The following NIPAL2 variants were observed in gnomAD, a reference collection of about 807,000 sequenced individuals.
NIPAL2 encodes NIPA-like protein 2.
In NIPAL2, 43 loss-of-function variants were observed where a neutral mutation model predicts 48.9. The ratio of observed to expected loss-of-function variants is 0.88; its 90% CI spans 0.69 to 1.13. NIPAL2 has a LOEUF of 1.13. NIPAL2 is among the 50% of genes most tolerant of loss of function. The probability of loss-of-function intolerance (pLI) is 0.00; values close to 1 mark genes in which losing one functional copy is unlikely to be tolerated. For synonymous variants in NIPAL2, 167 were observed against 174.6 expected, an observed-to-expected ratio of 0.96 and a Z score of 0.34; for missense variants, 446 against 461.4, an observed-to-expected ratio of 0.97 and a Z score of 0.31.
intron 8 of NIPAL2, among the ~76,000 whole-genome samples, chr8:98,199,832 G>A (rs1298035658): frequency 2.6e-5 from 4 of 151,960 alleles, no homozygotes; most frequent in Non-Finnish European, 5.9e-5. Flanking sequence ...AATAAAATGC[G>A]GTATGCCTCA....
rs1405202535 is a variant in NIPAL2 at position 98,247,824 on chromosome 8, G to C, written c.376+4639C>G. ...CCTGAGACAAGAAGGATTAGCAGCA[G>C]TTTGAAATTTTATTACAAACTCCAC... On this transcript the variant is annotated intron_variant, in intron 3 of 10. Transcript: ENST00000430223. Among the ~76,000 whole-genome samples, 3 of 152,174 alleles carry C rather than the reference G, an allele frequency of 2.0e-5. No individual in the cohort carries two copies. In the East Asian group the frequency reaches 5.8e-4, roughly 29 times the overall value.
Position 98,203,200 on chromosome 8 carries a change from G to C in NIPAL2, c.792-4C>G. On this transcript the variant is annotated splice_polypyrimidine_tract_variant and splice_region_variant and intron_variant, in intron 7 of 10. Transcript: ENST00000430223. Reference sequence around the variant, plus strand: ...TTTCGTGGCTTGATTCAGGAACCTAGGGCAGAAGGCACTTACTGGAGCTTT... The same window carrying C: ...TTTCGTGGCTTGATTCAGGAACCTACGGCAGAAGGCACTTACTGGAGCTTT... The C allele has an allele frequency of 6.2e-7, 1 of 1,611,404 alleles. No homozygotes were observed.
At chr8:98,227,024 G>A (rs1013995175) in intron 4 of NIPAL2, among the ~76,000 whole-genome samples, 6 of 152,232 alleles carry the variant, frequency 3.9e-5, no homozygotes, top group Middle Eastern at 3.4e-3. Flanking sequence ...CCAGGCAGAG[G>A]AGTCTTTCCT....
chr8:98,212,479 CAGAA>C lies in NIPAL2; in HGVS notation c.577_580del (p.Phe193AlafsTer12). ...TCTTTTATAGAAATACAGGAGAATG[CAGAA>C]AATTAATATTTCTAAAATCTAGAAA... On this transcript the variant is annotated frameshift_variant, in exon 6 of 11. Transcript: ENST00000430223. LOFTEE classifies it high-confidence loss of function. 1 of 1,497,990 alleles carries C rather than the reference CAGAA, an allele frequency of 6.7e-7. No individual in the cohort carries two copies. The highest frequency in any genetic ancestry group is 9.3e-7 in the Non-Finnish European group (1 of 1,075,680). 92.8% of individuals were successfully genotyped at this position (1,497,990 alleles called of 1,614,324 possible).
At chr8:98,285,752 C>A (rs6983233) in intron 1 of NIPAL2, among the ~76,000 whole-genome samples, 10,960 of 151,654 alleles carry the variant, frequency 0.072, 826 homozygotes, top group African/African-American at 0.19. Context: ...TTGTAACTTG[C>A]AACCTAAAGC....
chr8:98,285,534 C>T (rs970179158), intron 1 of NIPAL2, among the ~76,000 whole-genome samples: 5 of 151,978 alleles, frequency 3.3e-5, no homozygotes, highest in African/African-American at 7.3e-5. Flanking sequence ...CCTAGAGGGG[C>T]GAGCCTGCTA....
chr8:98,259,223 C>A (rs1024770450), intron 1 of NIPAL2, among the ~76,000 whole-genome samples: 2 of 150,380 alleles, frequency 1.3e-5, no homozygotes. Flanking sequence ...ACTACAGGCG[C>A]GCGCCACCAT....
intron 1 of NIPAL2, among the ~76,000 whole-genome samples, chr8:98,260,965 C>G (rs1269310338): frequency 6.6e-6 from 1 of 152,224 alleles, no homozygotes; most frequent in Non-Finnish European, 1.5e-5. Flanking sequence ...AAGTGGGTCC[C>G]TGACCCCTGA....
intron 7 of NIPAL2, 131 bp downstream of exon 7, chr8:98,204,980 A>G (rs1586302044): frequency 2.1e-6 from 2 of 957,626 alleles, no homozygotes; most frequent in East Asian, 4.9e-5. Flanking sequence ...GGCTGAGGAC[A>G]AGCTACAGGC....
intron 1 of NIPAL2, among the ~76,000 whole-genome samples, chr8:98,268,618 CA>C (rs1307806285): frequency 2.2e-5 from 2 of 91,086 alleles, no homozygotes; most frequent in Non-Finnish European, 4.8e-5. Flanking sequence ...AAGACTGTCT[CA>C]AAGAAAAAAA....
At position 98,194,329 on chromosome 8, in the gene NIPAL2, C is replaced by T. The variant is rs144521305; in HGVS notation, c.1039+399G>A. On this transcript the variant is annotated intron_variant, in intron 10 of 10. Coordinates refer to ENST00000430223, the MANE Select transcript of NIPAL2 (RefSeq NM_001321635.2). ...GTCCTGAGCCACAGTGCACAGGCCA[C>T]CTCAGGCTTCCCCCAAGACATGCTC... Among the ~76,000 whole-genome samples the T allele has an allele frequency of 3.4e-3, 517 of 152,260 alleles. 3 individuals are homozygous for T. The highest frequency in any genetic ancestry group is 6.1e-3 in the Non-Finnish European group (417 of 68,010).
rs143456774 is a variant in NIPAL2 at position 98,248,985 on chromosome 8, T to C, written c.376+3478A>G. ...AGACGGGTTATTTAGGCTGAGTCTC[T>C]AGCACAATGTGACTGCCTGTGAGCT... On this transcript the variant is annotated intron_variant, in intron 3 of 10. Coordinates refer to ENST00000430223, the MANE Select transcript of NIPAL2 (RefSeq NM_001321635.2). Among the ~76,000 whole-genome samples the C allele has an allele frequency of 1.3e-3, 200 of 152,312 alleles. 1 individual carries two copies. Among genetic ancestry groups the C allele is most frequent in the Non-Finnish European group, 2.1e-3 (142 of 68,018 alleles).
chr8:98,259,365 G>A (rs922400345), intron 1 of NIPAL2, among the ~76,000 whole-genome samples: 17 of 152,048 alleles, frequency 1.1e-4, no homozygotes, highest in African/African-American at 3.6e-4. Flanking sequence ...GTGAGCCACC[G>A]CACCCGGCCT....
intron 1 of NIPAL2, among the ~76,000 whole-genome samples, chr8:98,277,058 G>C (rs563486496): frequency 6.6e-6 from 1 of 151,862 alleles, no homozygotes; most frequent in East Asian, 1.9e-4. Flanking sequence ...GCGTGAGCCA[G>C]TATACCCAGC....
At position 98,222,471 on chromosome 8, in the gene NIPAL2, A is replaced by T; in HGVS notation, c.558+8T>A. 1 of 1,612,224 alleles carries T rather than the reference A, an allele frequency of 6.2e-7. No homozygotes were observed. ...CTTCGGGGATAGTAAAATATTTAGA[A>T]TTCTTACCACATAGATCAGGAACTG... On this transcript the variant is annotated splice_region_variant and intron_variant, in intron 5 of 10. Transcript: ENST00000430223.
At position 98,217,101 on chromosome 8, in the gene NIPAL2, T is replaced by A. The variant is rs965298105; in HGVS notation, c.559-4600A>T. On this transcript the variant is annotated intron_variant, in intron 5 of 10. Coordinates refer to ENST00000430223, the MANE Select transcript of NIPAL2 (RefSeq NM_001321635.2). ...TTGGCAAGGATGGGGATTGCCCATCTGCAGCAGACAGGCTGGGAAAGGCTG... is the reference window on the plus strand; with the variant it reads ...TTGGCAAGGATGGGGATTGCCCATCAGCAGCAGACAGGCTGGGAAAGGCTG... 4.1e-6 allele frequency: 4 copies of A among 985,360 alleles called. No individual in the cohort carries two copies. The African/African-American group carries it at 7.0e-5, about 17-fold the overall frequency. The allele number at this position is 985,360 out of a possible 1,614,324, so 61.0% of individuals were successfully genotyped here.
intron 1 of NIPAL2, among the ~76,000 whole-genome samples, chr8:98,271,078 A>G (rs1205712782): frequency 2.0e-5 from 3 of 152,086 alleles, no homozygotes; most frequent in Non-Finnish European, 4.4e-5. Context: ...TACCAGTATC[A>G]TGCTGTTTTT....
At chr8:98,229,655 C>A (rs996674392) in intron 4 of NIPAL2, among the ~76,000 whole-genome samples, 1 of 152,140 alleles carries the variant, frequency 6.6e-6, no homozygotes, top group African/African-American at 2.4e-5. Context: ...TGGAATTACA[C>A]GTGTGAGCCA....
chr8:98,247,933 C>T (rs1450417358), intron 3 of NIPAL2, among the ~76,000 whole-genome samples: 1 of 152,162 alleles, frequency 6.6e-6, no homozygotes, highest in African/African-American at 2.4e-5. Context: ...CACAGTTGAT[C>T]TGAAAGGAAT....
Sources: allele counts gnomAD v4.1 joint callset (sites outside exome capture counted in the v4.1 genomes callset), GRCh38; gene constraint gnomAD v4.1.1; transcripts MANE v1.5; gene names NCBI Gene and HGNC (gene_info 2026-07-23, HGNC 2026-07-21).